The following THBS4 variants were observed in gnomAD, a reference collection of about 807,000 sequenced individuals.
THBS4 encodes the protein thrombospondin 4.
Under a neutral mutation model 115.7 loss-of-function variants are expected in THBS4, and 90 were observed. The observed-to-expected ratio is 0.78, with a 90% CI of 0.66 to 0.93. The LOEUF (loss-of-function observed/expected upper bound fraction) is 0.93, where lower values mean the gene tolerates loss of function less well. Among genes scored for constraint, THBS4 ranks in the 40% least tolerant of loss-of-function variants. The pLI, the probability that THBS4 is intolerant of heterozygous loss-of-function variation, is 0.00. For synonymous variants in THBS4, 460 were observed against 479.3 expected (o/e 0.96, Z 0.53); for missense variants, 1,087 against 1,232.7 (o/e 0.88, Z 1.77).
At chr5:80,037,307 A>G (rs553748509) in intron 1 of THBS4, among the ~76,000 whole-genome samples, 2 of 152,282 alleles carry the variant, frequency 1.3e-5, no homozygotes, top group South Asian at 2.1e-4. Context: ...AGTTTCTGAT[A>G]GATTCTTTTA....
intron 1 of THBS4, among the ~76,000 whole-genome samples, chr5:79,994,505 T>A (rs1388624024): frequency 6.6e-6 from 1 of 152,232 alleles, no homozygotes; most frequent in Non-Finnish European, 1.5e-5. Context: ...GCAGCTTCTG[T>A]ATGCCTAGCA....
At position 80,079,124 on chromosome 5, in the gene THBS4, G is replaced by C. The variant is rs1743364652; in HGVS notation, c.2377G>C (p.Asp793His). 1 of 1,614,172 alleles carries C rather than the reference G, an allele frequency of 6.2e-7. No homozygotes were observed. Among genetic ancestry groups the C allele is most frequent in the East Asian group, 2.2e-5 (1 of 44,882 alleles). ...GTFHVNTQTDDDYAGFIFGYQ... is the reference protein window; with the variant it reads ...GTFHVNTQTDHDYAGFIFGYQ... ...CTTCCATGTGAATACCCAGACAGAT[G>C]ATGACTATGCAGGCTTTATCTTTGG... The change falls in exon 19 of 22, where the codon GAT (aspartate) becomes CAT (histidine). Residue 793 changes from aspartate (D) to histidine (H), a missense_variant. Coordinates refer to ENST00000350881, the MANE Select transcript of THBS4 (RefSeq NM_003248.6).
chr5:80,004,805 T>C (rs543842288), intron 2 of THBS4, among the ~76,000 whole-genome samples: 7 of 152,294 alleles, frequency 4.6e-5, no homozygotes, highest in African/African-American at 1.7e-4. Context: ...TGGCGTGATC[T>C]TGGCTCACTG....
chr5:80,066,116 CTT>C, intron 9 of THBS4, among the ~76,000 whole-genome samples: 1 of 138,186 alleles, frequency 7.2e-6, no homozygotes, highest in Admixed American at 7.1e-5. Flanking sequence ...AAAAAAAAAA[CTT>C]TTCAAAACTT....
Position 80,073,333 on chromosome 5 carries a change from G to A in THBS4, c.1892+6G>A. On this transcript the variant is annotated splice_donor_region_variant and intron_variant, in intron 15 of 21. Coordinates refer to ENST00000350881, the MANE Select transcript of THBS4 (RefSeq NM_003248.6). ...TGTGACACCAATCAGGACAGGTATG[G>A]CATGTCTCCCAACTGCAGAGAGACA... 3 of 1,613,536 alleles carry A rather than the reference G, an allele frequency of 1.9e-6. No individual in the cohort carries two copies. The South Asian group carries it at 3.3e-5, about 18-fold the overall frequency.
In THBS4 at chr5:80,067,965, C is replaced by T; in HGVS notation, c.1195-8C>T. 6.2e-7 allele frequency: 1 copy of T among 1,613,610 alleles called. No individual in the cohort carries two copies. Among genetic ancestry groups the T allele is most frequent in the Non-Finnish European group, 8.5e-7 (1 of 1,179,786 alleles). On this transcript the variant is annotated splice_polypyrimidine_tract_variant and splice_region_variant and intron_variant, in intron 9 of 21. Transcript: ENST00000350881. ...TTCAGCTCATCACCTGATCTTTGTT[C>T]CTTGCAGGGATCTTACCGCTGTGGG... is the stretch of plus-strand genomic sequence containing the variant.
rs56310054 is a variant in THBS4 at position 80,011,427 on chromosome 5, C to T, written n.177+13000C>T. Among the ~76,000 whole-genome samples the T allele has an allele frequency of 7.2e-3, 1,096 of 152,194 alleles. 14 individuals carry two copies. The highest frequency in any genetic ancestry group is 0.013 in the Non-Finnish European group (869 of 67,994). The stretch of plus-strand genomic sequence containing the variant: ...GGAAATACAGTCTCTAGCTAGGAGG[C>T]CCTATGCCTAGCTAGCACTAAAAGG... On this transcript the variant is annotated intron_variant and non_coding_transcript_variant, in intron 2 of 3. Coordinates refer to the THBS4 transcript ENST00000510218.
At chr5:80,016,630 T>C (rs1561294643) in intron 2 of THBS4, among the ~76,000 whole-genome samples, 1 of 152,194 alleles carries the variant, frequency 6.6e-6, no homozygotes, top group Non-Finnish European at 1.5e-5. Flanking sequence ...TATACACATA[T>C]TATTGTATTT....
At position 80,040,235 on chromosome 5, in the gene THBS4, A is replaced by G; in HGVS notation, c.247A>G (p.Asn83Asp). The change falls in exon 2 of 22, where the codon AAC (asparagine) becomes GAC (aspartate). Residue 83 changes from asparagine (N) to aspartate (D), a missense_variant. Asn to Asp is a conservative substitution (Grantham distance 23). This residue lies in a region of THBS4 where 979 missense variants were observed against 1,103.7 expected (regional missense o/e 0.89). Transcript: ENST00000350881. The part of the protein sequence containing the change: ...TIFGLYSSTD[N>D]SKYFEFTVMG... ...CTTCGGTCTTTACTCTTCAACTGAC[A>G]ACAGTAAATATTTTGAATTTACTGT... 1 of 1,614,142 alleles carries G rather than the reference A, an allele frequency of 6.2e-7. No homozygotes were observed. The highest frequency in any genetic ancestry group is 1.1e-5 in the South Asian group (1 of 91,076).
chr5:80,082,459 A>C lies in THBS4; in HGVS notation c.2738A>C (p.Asp913Ala). The C allele has an allele frequency of 6.2e-7, 1 of 1,614,212 alleles. No homozygotes were observed. Among genetic ancestry groups the C allele is most frequent in the Non-Finnish European group, 8.5e-7 (1 of 1,180,038 alleles). ...GTGGCTGACTCTGGCGTCACCATAG[A>C]CACCACAATGCGTGGAGGCCGACTT... Reference protein sequence around the residue: ...ELVADSGVTIDTTMRGGRLGV... With the variant: ...ELVADSGVTIATTMRGGRLGV... Residue 913 changes from aspartate (D) to alanine (A), a missense_variant, in exon 21 of 22, where the codon GAC (aspartate) becomes GCC (alanine). Physicochemically the swap from Asp to Ala is moderately radical, Grantham distance 126. Around this residue, in one of 3 missense-constraint regions of THBS4, gnomAD observed 103 missense variants for 108.2 expected, o/e 0.95. Coordinates refer to ENST00000350881, the MANE Select transcript of THBS4 (RefSeq NM_003248.6).
chr5:80,073,386 G>GTTTTTTT, intron 15 of THBS4, 59 bp downstream of exon 15: 1 of 1,392,246 alleles, frequency 7.2e-7, no homozygotes, highest in Non-Finnish European at 9.8e-7. Context: ...AGGGTTTTTG[G>GTTTTTTT]TTTGTTTTTT....
intron 1 of THBS4, among the ~76,000 whole-genome samples, chr5:80,038,316 T>G (rs1015828464): frequency 5.3e-5 from 8 of 152,208 alleles, no homozygotes; most frequent in Non-Finnish European, 7.4e-5. Context: ...GTTATACATA[T>G]AGTTTTAGAA....
chr5:80,065,579 CATAAT>C (rs10600128), intron 9 of THBS4, 102 bp downstream of exon 9: 210,893 of 1,019,770 alleles, frequency 0.21, 23,717 homozygotes, highest in African/African-American at 0.34. Flanking sequence ...AACATGTGGG[CATAAT>C]ATATTTGATT....
At chr5:80,044,103 G>A (rs923299800) in intron 2 of THBS4, among the ~76,000 whole-genome samples, 5 of 152,156 alleles carry the variant, frequency 3.3e-5, no homozygotes, top group African/African-American at 7.2e-5. Context: ...CCCATCTCCA[G>A]CTCCTTCTGA....
intron 1 of THBS4, among the ~76,000 whole-genome samples, chr5:80,037,239 C>A (rs923447620): frequency 2.6e-5 from 4 of 151,990 alleles, no homozygotes; most frequent in African/African-American, 9.7e-5. Context: ...TTGAACTCGG[C>A]CTATACAACC....
At position 80,056,046 on chromosome 5, in the gene THBS4, A is replaced by G. The variant is rs1296523196; in HGVS notation, c.540+14A>G. On this transcript the variant is annotated intron_variant, in intron 3 of 21. Coordinates refer to ENST00000350881, the MANE Select transcript of THBS4 (RefSeq NM_003248.6). ...AGGAAGCCACAGGTAGGAACCCACAAACCATTCTCTGAAGTGGAAAAATGA... is the reference window on the plus strand; with the variant it reads ...AGGAAGCCACAGGTAGGAACCCACAGACCATTCTCTGAAGTGGAAAAATGA... 3 of 1,584,486 alleles carry G rather than the reference A, an allele frequency of 1.9e-6. No homozygotes were observed. In the African/African-American group the frequency reaches 4.1e-5, roughly 21 times the overall value.
At chr5:79,997,771 A>C (rs1184204743) in intron 1 of THBS4, among the ~76,000 whole-genome samples, 3 of 152,166 alleles carry the variant, frequency 2.0e-5, no homozygotes, top group African/African-American at 7.2e-5. Flanking sequence ...CCTCAACAAA[A>C]GTTTTTAATG....
At chr5:80,033,255 GC>G, upstream of THBS4, 1 of 408,078 alleles carries the variant, frequency 2.5e-6, no homozygotes, top group Admixed American at 2.7e-5. Context: ...ACTGCAGGGT[GC>G]CCTCCAACAC....
intron 2 of THBS4, among the ~76,000 whole-genome samples, chr5:79,998,981 A>G (rs945328164): frequency 2.0e-5 from 3 of 152,218 alleles, no homozygotes; most frequent in African/African-American, 7.2e-5. Context: ...CCGGGAGTAA[A>G]GATGCTCTCC....
Sources: allele counts gnomAD v4.1 joint callset (sites outside exome capture counted in the v4.1 genomes callset), GRCh38; gene constraint gnomAD v4.1.1; regional missense constraint gnomAD v4.1.1; transcripts MANE v1.5; gene names NCBI Gene and HGNC (gene_info 2026-07-23, HGNC 2026-07-21).